CAB39L: variants seen among roughly 807,000 people sequenced by gnomAD.
CAB39L encodes the protein calcium binding protein 39 like.
In CAB39L, 23 loss-of-function variants were observed where a neutral mutation model predicts 39.1. The observed-to-expected ratio is 0.59, with a 90% CI of 0.42 to 0.83. CAB39L has a LOEUF of 0.83. CAB39L is among the 40% of genes least tolerant of loss of function. CAB39L has a pLI of 0.00. For synonymous variants in CAB39L, 126 were observed against 137.2 expected, an observed-to-expected ratio of 0.92 and a Z score of 0.57; for missense variants, 366 against 391.9, an observed-to-expected ratio of 0.93 and a Z score of 0.56.
At chr13:49,370,886 A>G (rs1342065552) in intron 5 of CAB39L, among the ~76,000 whole-genome samples, 1 of 152,206 alleles carries the variant, frequency 6.6e-6, no homozygotes, top group African/African-American at 2.4e-5. Flanking sequence ...ATTAAGCTTT[A>G]GGGCAATAGG....
chr13:49,357,138 C>T (rs1027464025), intron 6 of CAB39L, among the ~76,000 whole-genome samples: 7 of 152,100 alleles, frequency 4.6e-5, no homozygotes, highest in South Asian at 2.1e-4. Context: ...CAACAATTCC[C>T]GCTCCCTTCA....
intron 10 of CAB39L, among the ~76,000 whole-genome samples, chr13:49,329,812 T>C (rs181280550): frequency 1.8e-3 from 281 of 152,118 alleles, no homozygotes; most frequent in African/African-American, 5.9e-3. Flanking sequence ...AAAACATTTT[T>C]CCCCTTTCTC....
At position 49,310,857 on chromosome 13, in the gene CAB39L, T is replaced by C. The variant is rs144245337; in HGVS notation, c.971A>G (p.Tyr324Cys). The C allele has an allele frequency of 3.7e-5, 59 of 1,614,076 alleles. No individual in the cohort carries two copies. The highest frequency in any genetic ancestry group is 4.5e-5 in the Non-Finnish European group (53 of 1,180,034). Residue 324 changes from tyrosine (Y) to cysteine (C), a missense_variant, in exon 11 of 11, where the codon TAC becomes TGC. By Grantham distance (194) the Tyr-to-Cys change is radical. Transcript: ENST00000409308. ...CAAGTCTCGGATCTGTTTAATCAAG[T>C]AGTTCTTCTCGTCAGCGAACTGCTC... ...DDEQFADEKN[Y>C]LIKQIRDLKK...
At chr13:49,370,896 G>A (rs984296187) in intron 5 of CAB39L, among the ~76,000 whole-genome samples, 1 of 151,948 alleles carries the variant, frequency 6.6e-6, no homozygotes, top group African/African-American at 2.4e-5. Context: ...AGGGCAATAG[G>A]GTAATGATAA....
At chr13:49,432,943 T>A (rs907216346) in intron 3 of CAB39L, among the ~76,000 whole-genome samples, 1 of 152,206 alleles carries the variant, frequency 6.6e-6, no homozygotes, top group Middle Eastern at 3.2e-3. Context: ...AAAGCTTCAA[T>A]GCCAACAGAA....
chr13:49,356,738 G>A (rs1955495464), intron 6 of CAB39L, among the ~76,000 whole-genome samples: 3 of 152,140 alleles, frequency 2.0e-5, no homozygotes, highest in African/African-American at 2.4e-5. Context: ...TTTAAGAAGG[G>A]CTAAATCTCT....
Position 49,426,715 on chromosome 13 carries a change from G to A in CAB39L, c.-32+6603C>T, listed in dbSNP as rs543521032. 1.8e-4 allele frequency among the ~76,000 whole-genome samples: 27 copies of A among 152,248 alleles called. No individual in the cohort carries two copies. In the South Asian group the frequency reaches 5.0e-3, roughly 28 times the overall value. On this transcript the variant is annotated intron_variant, in intron 3 of 10. Transcript: ENST00000409308. ...GGTGGGATTACAGGAGTGAGCCACC[G>A]CGCCCAGCCAATTTATTGCTCTTTA...
intron 3 of CAB39L, among the ~76,000 whole-genome samples, chr13:49,424,126 T>C (rs187339308): frequency 3.4e-4 from 51 of 152,108 alleles, no homozygotes; most frequent in African/African-American, 1.2e-3. Context: ...ACTCCCTGAG[T>C]GTAAGTTATA....
chr13:49,350,604 T>G, intron 7 of CAB39L, 140 bp downstream of exon 7: 1 of 579,120 alleles, frequency 1.7e-6, no homozygotes, highest in Admixed American at 2.9e-5. Flanking sequence ...ATTTACAGAT[T>G]CCTCTTATGA....
intron 3 of CAB39L, among the ~76,000 whole-genome samples, chr13:49,394,281 A>G (rs1363843051): frequency 6.6e-6 from 1 of 152,068 alleles, no homozygotes; most frequent in Non-Finnish European, 1.5e-5. Flanking sequence ...GTTAATGAAC[A>G]TATTAGTAAA....
intron 7 of CAB39L, among the ~76,000 whole-genome samples, chr13:49,348,913 C>T (rs537789218): frequency 6.6e-6 from 1 of 152,294 alleles, no homozygotes; most frequent in Admixed American, 6.5e-5. Flanking sequence ...GAGACCACGC[C>T]CCGTCCCTCA....
intron 3 of CAB39L, among the ~76,000 whole-genome samples, chr13:49,394,070 G>A (rs141530698): frequency 4.0e-5 from 6 of 151,672 alleles, no homozygotes; most frequent in African/African-American, 1.2e-4. Context: ...AAGTTAATAC[G>A]AATATGCCAC....
intron 5 of CAB39L, among the ~76,000 whole-genome samples, chr13:49,366,972 C>G (rs1391143681): frequency 6.6e-6 from 1 of 152,154 alleles, no homozygotes; most frequent in East Asian, 1.9e-4. Flanking sequence ...CACTGAATTC[C>G]AGCCTGGGCA....
chr13:49,336,230 C>T (rs1050045194), intron 9 of CAB39L, among the ~76,000 whole-genome samples: 1 of 151,682 alleles, frequency 6.6e-6, no homozygotes, highest in East Asian at 1.9e-4. Context: ...CAGAGTGATG[C>T]AAAACCATTT....
At chr13:49,334,102 T>C (rs557789625) in intron 9 of CAB39L, among the ~76,000 whole-genome samples, 3 of 152,316 alleles carry the variant, frequency 2.0e-5, no homozygotes, top group African/African-American at 4.8e-5. Context: ...TAAGTGTTTC[T>C]TGAACACCTT....
At position 49,438,173 on chromosome 13, in the gene CAB39L, G is replaced by C. The variant is rs530725745; in HGVS notation, c.-245-3950C>G. ...TATTAGTGTTCTATCTTGCACTTCT[G>C]AGTATGTTTAAGCTTCCACCTGTCA... On this transcript the variant is annotated intron_variant, in intron 1 of 10. Transcript: ENST00000409308. 4.6e-4 allele frequency among the ~76,000 whole-genome samples: 70 copies of C among 152,110 alleles called. 1 individual carries two copies. The highest frequency in any genetic ancestry group is 9.3e-4 in the Non-Finnish European group (63 of 67,992).
At chr13:49,346,790 A>G (rs1349959756) in intron 7 of CAB39L, among the ~76,000 whole-genome samples, 1 of 152,186 alleles carries the variant, frequency 6.6e-6, no homozygotes, top group East Asian at 1.9e-4. Context: ...TAAATTGCTC[A>G]AGGACATCCA....
intron 3 of CAB39L, among the ~76,000 whole-genome samples, chr13:49,399,809 A>C (rs1956724447): frequency 6.6e-6 from 1 of 152,104 alleles, no homozygotes; most frequent in African/African-American, 2.4e-5. Flanking sequence ...CACCAGTCTA[A>C]GAAGGACTGA....
rs548947401 is a variant in CAB39L, at chr13:49,405,719, G to GAGGAAGGAAGGAAGGAAGGA, written c.-31-22798_-31-22779dup. ...AAAGAAAGAAAGAAAGAAAGAGAGAGAGGAAGGAAGGAAGGAAGGAAGGAA... is the reference window on the plus strand; with the variant it reads ...AAAGAAAGAAAGAAAGAAAGAGAGAGAGGAAGGAAGGAAGGAAGGAAGGAAGGAAGGAAGGAAGGAAGGAA... On this transcript the variant is annotated intron_variant, in intron 3 of 10. Transcript: ENST00000409308. Among the ~76,000 whole-genome samples the GAGGAAGGAAGGAAGGAAGGA allele has an allele frequency of 9.8e-4, 93 of 95,058 alleles. 3 individuals carry two copies. The highest frequency in any genetic ancestry group is 5.6e-3 in the Middle Eastern group (1 of 178). 62.4% of individuals were successfully genotyped at this position (95,058 alleles called of 152,430 possible).
Sources: allele counts gnomAD v4.1 joint callset (sites outside exome capture counted in the v4.1 genomes callset), GRCh38; gene constraint gnomAD v4.1.1; transcripts MANE v1.5; gene names NCBI Gene and HGNC (gene_info 2026-07-23, HGNC 2026-07-21).